ZNF605: variants seen among roughly 807,000 people sequenced by gnomAD.
ZNF605 encodes the protein zinc finger protein 605.
ZNF605 carries 9 observed loss-of-function variants against 7.9 expected under a neutral mutation model. The observed-to-expected ratio is 1.14, with a 90% CI of 0.68 to 1.98. The LOEUF (loss-of-function observed/expected upper bound fraction) is 1.98. ZNF605 is among the 30% of genes most tolerant of loss of function. The pLI is 0.00. For missense variants in ZNF605, 673 were observed against 762.4 expected (o/e 0.88, Z 1.38); for synonymous variants, 255 against 260.1 (o/e 0.98, Z 0.19).
Position 132,926,021 on chromosome 12 carries a change from A to G in ZNF605, c.1278T>C (p.Cys426=). 2 of 1,614,240 alleles carry G rather than the reference A, an allele frequency of 1.2e-6. No individual in the cohort carries two copies. The highest frequency in any genetic ancestry group is 1.7e-6 in the Non-Finnish European group (2 of 1,180,038). ...LGEKPYGCIQ[C]GKTFFGKSQL... ...GGGACTTCCCAAAGAAGGTTTTCCC[A>G]CATTGAATGCATCCATATGGTTTCT... The change falls in exon 5 of 5, where the codon TGT becomes TGC. Residue 426 remains cysteine (C), a synonymous_variant. Transcript: ENST00000360187.
intron 1 of ZNF605, among the ~76,000 whole-genome samples, chr12:132,955,006 A>C (rs910764114): frequency 1.3e-5 from 2 of 152,138 alleles, no homozygotes; most frequent in Non-Finnish European, 2.9e-5. Flanking sequence ...TATTGGAGAC[A>C]GGGGTTGAAA....
At chr12:132,951,133 C>T (rs1418137599) in intron 1 of ZNF605, among the ~76,000 whole-genome samples, 2 of 151,452 alleles carry the variant, frequency 1.3e-5, no homozygotes, top group Non-Finnish European at 2.9e-5. Context: ...TACACAAGTA[C>T]ATCACGCATA....
intron 3 of ZNF605, among the ~76,000 whole-genome samples, chr12:132,939,237 A>C (rs1190204399): frequency 6.6e-6 from 1 of 152,188 alleles, no homozygotes; most frequent in Non-Finnish European, 1.5e-5. Flanking sequence ...GGGGACGTGG[A>C]GAGTCTTTAT....
chr12:132,954,758 G>T (rs1444117776), intron 1 of ZNF605, among the ~76,000 whole-genome samples: 2 of 151,862 alleles, frequency 1.3e-5, no homozygotes, highest in Admixed American at 6.6e-5. Context: ...CCTGGAAAGG[G>T]ATTGTGGGGC....
Position 132,945,433 on chromosome 12 carries a change from G to T in ZNF605, c.15+188C>A, listed in dbSNP as rs917052759. On this transcript the variant is annotated intron_variant, in intron 3 of 4. Coordinates refer to ENST00000360187, the MANE Select transcript of ZNF605 (RefSeq NM_183238.4). ...GAGGATAAACCGATAACCCACCTGT[G>T]ACTGGATCATTTTCATGAAACAGAG... 2.2e-5 allele frequency: 27 copies of T among 1,229,850 alleles called. 1 individual carries two copies. In the African/African-American group the frequency reaches 4.0e-4, roughly 18 times the overall value. The allele number at this position is 1,229,850 out of a possible 1,614,324, so 76.2% of individuals were successfully genotyped here. A position where few individuals can be genotyped will look rare whatever the true frequency, so the allele number is the denominator to read the frequency against.
intron 1 of ZNF605, among the ~76,000 whole-genome samples, chr12:132,952,969 C>A (rs1952588223): frequency 6.6e-6 from 1 of 152,092 alleles, no homozygotes; most frequent in South Asian, 2.1e-4. Flanking sequence ...CCATCACACA[C>A]ACACCCCAGA....
In ZNF605 at chr12:132,926,048, T is replaced by G. The variant is rs1952243440; in HGVS notation, c.1251A>C (p.Gly417=). 1.2e-6 allele frequency: 2 copies of G among 1,614,100 alleles called. No homozygotes were observed. The highest frequency in any genetic ancestry group is 2.2e-5 in the South Asian group (2 of 91,090). ...ELIRHQKIHL[G]EKPYGCIQCG... is the part of the protein sequence containing the mutation. ...ATTGAATGCATCCATATGGTTTCTC[T>G]CCTAAGTGAATTTTTTGATGTCTTA... The change falls in exon 5 of 5, where the codon GGA becomes GGC. Residue 417 remains glycine (G), a synonymous_variant. Transcript: ENST00000360187.
At chr12:132,932,792 G>A in intron 4 of ZNF605, 3 of 1,536,092 alleles carry the variant, frequency 2.0e-6, no homozygotes, top group Non-Finnish European at 2.6e-6. Flanking sequence ...CATCAGGTTT[G>A]AGAATTTGAA....
At position 132,927,067 on chromosome 12, in the gene ZNF605, T is replaced by C; in HGVS notation, c.232A>G (p.Ile78Val). 2.5e-6 allele frequency: 4 copies of C among 1,603,164 alleles called. No individual in the cohort carries two copies. Among genetic ancestry groups the C allele is most frequent in the Non-Finnish European group, 3.4e-6 (4 of 1,179,680 alleles). Residue 78 changes from isoleucine to valine, a missense_variant, in exon 5 of 5, where the codon ATA becomes GTA. By Grantham distance (29) the Ile-to-Val change is conservative (BLOSUM62 3). Coordinates refer to ENST00000360187, the MANE Select transcript of ZNF605 (RefSeq NM_183238.4). ...ACAATGTTTATGCTTGAATTAAATATTTTTCCAAAAACATCATATTTATGG... is the reference window on the plus strand; with the variant it reads ...ACAATGTTTATGCTTGAATTAAATACTTTTCCAAAAACATCATATTTATGG... ...RGHKYDVFGK[I>V]FNSSINIVHV...
intron 3 of ZNF605, among the ~76,000 whole-genome samples, chr12:132,938,978 G>A (rs1952400258): frequency 6.6e-6 from 1 of 151,744 alleles, no homozygotes; most frequent in Non-Finnish European, 1.5e-5. Context: ...CCGAGCCTTA[G>A]CTGCCTCCCC....
chr12:132,932,579 C>T (rs1390524427), intron 4 of ZNF605: 2 of 595,258 alleles, frequency 3.4e-6, no homozygotes, highest in Non-Finnish European at 5.8e-6. Flanking sequence ...CTCATGTCAC[C>T]AATCTTGAGT....
intron 4 of ZNF605, among the ~76,000 whole-genome samples, chr12:132,927,545 TAATAGAG>T (rs1227108829): frequency 6.6e-6 from 1 of 151,980 alleles, no homozygotes; most frequent in African/African-American, 2.4e-5. Flanking sequence ...TTTGTATTTT[TAATAGAG>T]ACGGGGTTTC....
At chr12:132,942,826 C>T (rs899505811) in intron 3 of ZNF605, among the ~76,000 whole-genome samples, 3 of 152,186 alleles carry the variant, frequency 2.0e-5, no homozygotes, top group South Asian at 2.1e-4. Context: ...GGCTGTGGGG[C>T]GTCTTTCCTG....
At chr12:132,950,659 GACACACACAGATACACAGGT>G (rs1239789868) in intron 1 of ZNF605, among the ~76,000 whole-genome samples, 1 of 149,858 alleles carries the variant, frequency 6.7e-6, no homozygotes, top group Non-Finnish European at 1.5e-5. Flanking sequence ...TACACTCACA[GACACACACAGATACACAGGT>G]ACACACACAG....
chr12:132,939,299 A>G (rs1418333406), intron 3 of ZNF605, among the ~76,000 whole-genome samples: 1 of 152,144 alleles, frequency 6.6e-6, no homozygotes, highest in Non-Finnish European at 1.5e-5. Context: ...GTTTAGCTCA[A>G]GGTTTGTGAG....
rs11834602 is a variant in ZNF605, at chr12:132,947,443, G to A, written c.-163+705C>T. On this transcript the variant is annotated intron_variant, in intron 2 of 4. Coordinates refer to ENST00000360187, the MANE Select transcript of ZNF605 (RefSeq NM_183238.4). ...TTCTCCCACAACAGCCTCCTGAGTA[G>A]CTGGGACTATAGGTGTACGCCACCA... is the stretch of plus-strand genomic sequence containing the variant. Among the ~76,000 whole-genome samples the A allele has an allele frequency of 8.7e-3, 1,322 of 152,178 alleles. 17 individuals are homozygous for A. Among genetic ancestry groups the A allele is most frequent in the African/African-American group, 0.03 (1,254 of 41,536 alleles).
intron 4 of ZNF605, among the ~76,000 whole-genome samples, chr12:132,932,195 C>A (rs1952315110): frequency 6.6e-6 from 1 of 152,088 alleles, no homozygotes; most frequent in African/African-American, 2.4e-5. Flanking sequence ...CTGTCGTGCC[C>A]TGCCCTCTCC....
chr12:132,950,557 C>G (rs1201217923), intron 1 of ZNF605, among the ~76,000 whole-genome samples: 6 of 150,666 alleles, frequency 4.0e-5, no homozygotes, highest in Non-Finnish European at 7.4e-5. Context: ...ACTAATACAC[C>G]CGTACATCAC....
At position 132,923,928 on chromosome 12, in the gene ZNF605, C is replaced by T. The variant is rs1449691925; in HGVS notation, c.*1445G>A. The T allele has an allele frequency of 1.3e-5, 2 of 151,994 alleles. No homozygotes were observed. The highest frequency in any genetic ancestry group is 4.8e-5 in the African/African-American group (2 of 41,376). The allele number at this position is 151,994 out of a possible 1,614,324, so 9.4% of individuals were successfully genotyped here. ...AGTTTTTATTCTTACTCTTCAAGTT[C>T]ATTGATTTTTTCTTCTTTTTCTGTA... On this transcript the variant is annotated 3_prime_UTR_variant, in exon 5 of 5. Coordinates refer to ENST00000360187, the MANE Select transcript of ZNF605 (RefSeq NM_183238.4).
Sources: gnomAD v4.1 joint callset for allele counts (sites outside exome capture counted in the v4.1 genomes callset) on GRCh38, gnomAD v4.1.1 for gene constraint, MANE v1.5 for transcripts, NCBI Gene and HGNC (gene_info 2026-07-23, HGNC 2026-07-21) for gene names.